Variants in UBR4 observed in about 807,000 individuals in gnomAD.
The protein encoded by UBR4 is ubiquitin protein ligase E3 component n-recognin 4.
In UBR4, 124 loss-of-function variants were observed where a neutral mutation model predicts 575.6. The ratio of observed to expected loss-of-function variants is 0.22; its 90% CI spans 0.19 to 0.25. UBR4 has a LOEUF of 0.25. Among genes scored for constraint, UBR4 ranks in the 10% least tolerant of loss-of-function variants. The probability of loss-of-function intolerance (pLI) is 1.00; values close to 1 mark genes in which losing one functional copy is unlikely to be tolerated. For missense variants in UBR4, 4,818 were observed against 6,478.8 expected (o/e 0.74, Z 8.80); for synonymous variants, 2,455 against 2,473.7 (o/e 0.99, Z 0.22).
Position 19,093,351 on chromosome 1 carries a change from T to G in UBR4, c.14073A>C (p.Ala4691=). The part of the protein sequence containing the change: ...LILQKGITQN[A]LDYMKKHIPS... ...GGATGTGCTTTTTCATGTAGTCAAG[T>G]GCATTCTGGGTGATCCCCTTCTGGA... is the stretch of plus-strand genomic sequence containing the variant. The change falls in exon 96 of 106, where the codon GCA becomes GCC. Residue 4691 remains alanine, a synonymous_variant. Coordinates refer to ENST00000375254, the MANE Select transcript of UBR4 (RefSeq NM_020765.3). This position sits in a 1 kb window ranked among gnomAD's most constrained non-coding sequence, Gnocchi z 4.8. The G allele has an allele frequency of 6.2e-7, 1 of 1,614,150 alleles. No homozygotes were observed. Among genetic ancestry groups the G allele is most frequent in the Non-Finnish European group, 8.5e-7 (1 of 1,180,038 alleles).
chr1:19,169,064 G>C (rs1557881942), intron 27 of UBR4, among the ~76,000 whole-genome samples: 1 of 152,128 alleles, frequency 6.6e-6, no homozygotes, highest in South Asian at 2.1e-4. Context: ...AAAGGAGCAG[G>C]TTCCTGACAT....
At chr1:19,143,951 C>A in intron 55 of UBR4, 29 bp downstream of exon 55, 13 of 1,603,710 alleles carry the variant, frequency 8.1e-6, no homozygotes, top group Non-Finnish European at 1.0e-5. Context: ...CAAATACAGG[C>A]TTGAGCCTAA....
At position 19,113,832 on chromosome 1, in the gene UBR4, A is replaced by C; in HGVS notation, c.11329-5T>G. The C allele has an allele frequency of 6.2e-7, 1 of 1,614,192 alleles. No individual in the cohort carries two copies. The highest frequency in any genetic ancestry group is 1.6e-4 in the Middle Eastern group (1 of 6,062). On this transcript the variant is annotated splice_region_variant and splice_polypyrimidine_tract_variant and intron_variant, in intron 76 of 105. Transcript: ENST00000375254. ...CCCTGCTGTTCCTGAGTCATCCTGC[A>C]ACCCCAAGAGGTAAGCTGTCAGGCT...
At chr1:19,097,594 A>G (rs994924853) in intron 90 of UBR4, among the ~76,000 whole-genome samples, 1 of 152,240 alleles carries the variant, frequency 6.6e-6, no homozygotes, top group Non-Finnish European at 1.5e-5. Context: ...GCCAGGTCCT[A>G]TGCTAATTAA....
intron 27 of UBR4, among the ~76,000 whole-genome samples, chr1:19,168,523 T>C (rs533736134): frequency 2.3e-3 from 346 of 152,332 alleles, no homozygotes; most frequent in African/African-American, 6.8e-3. Flanking sequence ...ATCTGGTCTC[T>C]ATTAAAGTTC....
chr1:19,103,253 T>C (rs145650908), intron 87 of UBR4, among the ~76,000 whole-genome samples: 1 of 152,340 alleles, frequency 6.6e-6, no homozygotes, highest in African/African-American at 2.4e-5. Flanking sequence ...TTAATATGCT[T>C]ATAGATCATA....
At position 19,105,034 on chromosome 1, in the gene UBR4, A is replaced by G; in HGVS notation, c.12645+14T>C. ...ATTAGGGAAGGGGCTCTCTTGGGCA[A>G]TAGGGTAGGATACCTTGGTGATGAG... On this transcript the variant is annotated intron_variant, in intron 85 of 105. Transcript: ENST00000375254. The G allele has an allele frequency of 6.2e-7, 1 of 1,612,364 alleles. No individual in the cohort carries two copies. Among genetic ancestry groups the G allele is most frequent in the Non-Finnish European group, 8.5e-7 (1 of 1,179,182 alleles).
Position 19,118,899 on chromosome 1 carries a change from G to A in UBR4, c.10514C>T (p.Thr3505Ile), listed in dbSNP as rs762918041. 3 of 1,614,174 alleles carry A rather than the reference G, an allele frequency of 1.9e-6. No homozygotes were observed. In the South Asian group the frequency reaches 3.3e-5, roughly 18 times the overall value. ...ATAAATGTTCGAGTTGGGGTGGTTG[G>A]TAAGAATATGGTTTTGAGTCCGCAG... ...EILRTQNHIL[T>I]NHPNSNIYNT... is the part of the protein sequence containing the mutation. Residue 3505 changes from threonine to isoleucine, a missense_variant, in exon 71 of 106, where the codon ACC (threonine) becomes ATC (isoleucine). Thr to Ile is a moderately conservative substitution (Grantham distance 89, BLOSUM62 -1). Transcript: ENST00000375254.
chr1:19,127,511 A>C (rs2081956409), intron 63 of UBR4, 112 bp downstream of exon 63: 1 of 806,168 alleles, frequency 1.2e-6, no homozygotes. Flanking sequence ...TACTCCCCTC[A>C]GGGAACAATG....
At chr1:19,154,149 T>C (rs1209997486) in intron 44 of UBR4, among the ~76,000 whole-genome samples, 1 of 152,184 alleles carries the variant, frequency 6.6e-6, no homozygotes, top group African/African-American at 2.4e-5. Context: ...CAGTCCTCAT[T>C]TGGAGTCTCC....
chr1:19,101,964 AACAGGCACT>A (rs2078676156), intron 87 of UBR4, among the ~76,000 whole-genome samples: 2 of 152,206 alleles, frequency 1.3e-5, no homozygotes, highest in Non-Finnish European at 2.9e-5. Context: ...CCTTGCCCAA[AACAGGCACT>A]CAGAAAATGT....
chr1:19,198,177 T>C (rs980148269), intron 5 of UBR4, 128 bp from the exon 6 acceptor site: 1 of 910,330 alleles, frequency 1.1e-6, no homozygotes. Flanking sequence ...TCCTTACTCA[T>C]GTTGGAGAAA....
intron 87 of UBR4, 70 bp from the exon 88 acceptor site, chr1:19,101,711 T>G: frequency 6.4e-7 from 1 of 1,559,172 alleles, no homozygotes; most frequent in Non-Finnish European, 8.8e-7. Flanking sequence ...GAATTCTAAC[T>G]GAAGTACCAT....
intron 11 of UBR4, among the ~76,000 whole-genome samples, chr1:19,190,310 A>AT (rs1420680603): frequency 2.2e-4 from 17 of 78,048 alleles, no homozygotes; most frequent in East Asian, 1.1e-3. Flanking sequence ...AAAAAAAAAA[A>AT]AAATATATAT....
In UBR4 at chr1:19,121,351, G is replaced by C; in HGVS notation, c.9979C>G (p.Leu3327Val). The change falls in exon 68 of 106, where the codon CTG becomes GTG. Residue 3327 changes from leucine (L) to valine (V), a missense_variant. By Grantham distance (32) the Leu-to-Val change is conservative. This residue lies in a region of UBR4 where 550 missense variants were observed against 791.5 expected (regional missense o/e 0.69). Transcript: ENST00000375254. ...PVLLQLLSCA[L>V]CGSKVLAALA... The stretch of plus-strand genomic sequence containing the variant: ...GCAGCGAGCACCTTGCTGCCGCACA[G>C]AGCACAGGAGAGCAGTTGCAGCAGC... 3 of 1,614,158 alleles carry C rather than the reference G, an allele frequency of 1.9e-6. No individual in the cohort carries two copies. The highest frequency in any genetic ancestry group is 2.5e-6 in the Non-Finnish European group (3 of 1,180,002).
intron 8 of UBR4, among the ~76,000 whole-genome samples, 154 bp from the exon 9 acceptor site, chr1:19,193,711 C>A (rs1014909436): frequency 6.6e-6 from 1 of 152,118 alleles, no homozygotes; most frequent in Non-Finnish European, 1.5e-5. Flanking sequence ...GTTTACCATA[C>A]AATTCAGTAA....
intron 60 of UBR4, among the ~76,000 whole-genome samples, chr1:19,130,554 G>A (rs960542982): frequency 2.6e-5 from 4 of 152,138 alleles, no homozygotes; most frequent in South Asian, 4.1e-4. Flanking sequence ...GGGGTCTTAC[G>A]TGAATTATAA....
Position 19,104,099 on chromosome 1 carries a change from C to A in UBR4, c.12886G>T (p.Glu4296Ter). The A allele has an allele frequency of 6.2e-7, 1 of 1,614,216 alleles. No homozygotes were observed. The highest frequency in any genetic ancestry group is 8.5e-7 in the Non-Finnish European group (1 of 1,180,020). The change falls in exon 87 of 106, where the codon GAG (glutamate) becomes TAG (stop). Residue 4296 changes from glutamate to a stop codon, truncating the protein, a stop_gained. Transcript: ENST00000375254. LOFTEE classifies it high-confidence loss of function. ...GCAGTGCTACCTGTGGTCATGTCCT[C>A]CAGCATCTCCAGCAGCATGTCCTGC... ...ETQDMLLEML[E>*]DMTTGTESET...
intron 86 of UBR4, 40 bp downstream of exon 86, chr1:19,104,545 A>G: frequency 1.9e-6 from 3 of 1,606,658 alleles, no homozygotes; most frequent in Non-Finnish European, 2.6e-6. Flanking sequence ...CCCTAAACAG[A>G]TTCAGGATGC....
Sources: allele counts gnomAD v4.1 joint callset (sites outside exome capture counted in the v4.1 genomes callset), GRCh38; gene constraint gnomAD v4.1.1; regional missense constraint gnomAD v4.1.1; non-coding constraint Gnocchi (gnomAD v3.1); transcripts MANE v1.5; gene names NCBI Gene and HGNC (gene_info 2026-07-23, HGNC 2026-07-21).